Variants in GPC5 observed in about 807,000 individuals in gnomAD.
GPC5 encodes the protein glypican 5.
Under a neutral mutation model 53.9 loss-of-function variants are expected in GPC5, and 47 were observed. That is an observed-to-expected ratio of 0.87 (90% confidence interval 0.69 to 1.11). The LOEUF is 1.11. GPC5 is among the 50% of genes most tolerant of loss of function. The probability of loss-of-function intolerance (pLI) is 0.00; values close to 1 mark genes in which losing one functional copy is unlikely to be tolerated. For missense variants in GPC5, 748 were observed against 713.1 expected (o/e 1.05, Z -0.56); for synonymous variants, 286 against 263.3 (o/e 1.09, Z -0.84).
intron 7 of GPC5, among the ~76,000 whole-genome samples, chr13:92,760,968 T>C (rs1012178303): frequency 7.2e-5 from 11 of 152,202 alleles, no homozygotes; most frequent in African/African-American, 2.7e-4. Context: ...TCCAAAATTC[T>C]TCCTCTTAGA....
At chr13:92,780,576 C>A (rs1875985922) in intron 7 of GPC5, among the ~76,000 whole-genome samples, 1 of 151,956 alleles carries the variant, frequency 6.6e-6, no homozygotes, top group Non-Finnish European at 1.5e-5. Flanking sequence ...TCAGAGGGGA[C>A]ATTTTCTAAT....
At chr13:92,776,931 G>C (rs937622691) in intron 7 of GPC5, among the ~76,000 whole-genome samples, 1 of 148,448 alleles carries the variant, frequency 6.7e-6, no homozygotes, top group Non-Finnish European at 1.5e-5. Flanking sequence ...GGCTGAGCAG[G>C]AGGATATGTT....
At chr13:92,243,795 T>G (rs2139119358) in intron 7 of GPC5, among the ~76,000 whole-genome samples, 1 of 152,268 alleles carries the variant, frequency 6.6e-6, no homozygotes, top group Non-Finnish European at 1.5e-5. Context: ...TAGATACTTT[T>G]TAAAACCTGA....
chr13:92,011,518 C>G (rs933058013), intron 6 of GPC5, among the ~76,000 whole-genome samples: 2 of 152,074 alleles, frequency 1.3e-5, no homozygotes, highest in African/African-American at 4.8e-5. Flanking sequence ...GCCTTGTAAG[C>G]TTGTGATTCA....
intron 7 of GPC5, among the ~76,000 whole-genome samples, chr13:92,480,612 G>T (rs549192550): frequency 6.6e-6 from 1 of 152,150 alleles, no homozygotes; most frequent in Non-Finnish European, 1.5e-5. Context: ...TCTCATGGTC[G>T]CAAGATGACA....
At chr13:91,606,398 A>G (rs963524329) in intron 2 of GPC5, among the ~76,000 whole-genome samples, 1 of 150,434 alleles carries the variant, frequency 6.6e-6, no homozygotes, top group Non-Finnish European at 1.5e-5. Flanking sequence ...TTCATCAAGG[A>G]TATTGGTCTA....
intron 6 of GPC5, among the ~76,000 whole-genome samples, chr13:91,909,829 C>T (rs902348368): frequency 2.0e-5 from 3 of 152,092 alleles, no homozygotes; most frequent in African/African-American, 7.2e-5. Context: ...CAAAACACCA[C>T]CCCCCTCCTC....
chr13:92,282,381 C>T (rs572336456), intron 7 of GPC5, among the ~76,000 whole-genome samples: 141 of 152,210 alleles, frequency 9.3e-4, no homozygotes, highest in African/African-American at 3.3e-3. Context: ...CATTCAAATT[C>T]AGGAAATACG....
At chr13:92,559,793 G>T (rs892615572) in intron 7 of GPC5, among the ~76,000 whole-genome samples, 3 of 151,206 alleles carry the variant, frequency 2.0e-5, no homozygotes, top group Non-Finnish European at 4.4e-5. Context: ...GTCCCATTTG[G>T]TATCTCATGT....
At chr13:92,765,231 C>A (rs144043470) in intron 7 of GPC5, among the ~76,000 whole-genome samples, 1,568 of 152,240 alleles carry the variant, frequency 0.01, 9 homozygotes, top group Middle Eastern at 0.017. Context: ...GATTTGGGGC[C>A]AGATGCATGT....
At position 92,740,243 on chromosome 13, in the gene GPC5, T is replaced by C. The variant is rs537632739; in HGVS notation, c.1562-126039T>C. ...TCTGGATCAAATATCACCTTATTAG[T>C]AAGACTCCCCTTTACCACTTACATA... On this transcript the variant is annotated intron_variant, in intron 7 of 7. Transcript: ENST00000377067. Among the ~76,000 whole-genome samples the C allele has an allele frequency of 1.4e-3, 208 of 152,180 alleles. 1 individual carries two copies. The highest frequency in any genetic ancestry group is 4.9e-3 in the African/African-American group (202 of 41,558).
At chr13:91,438,675 C>T (rs564769834) in intron 1 of GPC5, among the ~76,000 whole-genome samples, 1 of 152,322 alleles carries the variant, frequency 6.6e-6, no homozygotes, top group Admixed American at 6.5e-5. Context: ...AGAACCACTA[C>T]TCTCTTCAAA....
intron 5 of GPC5, among the ~76,000 whole-genome samples, chr13:91,834,195 G>A (rs965546595): frequency 2.0e-4 from 30 of 152,106 alleles, no homozygotes; most frequent in Non-Finnish European, 8.8e-5. Flanking sequence ...CAAGGGATGT[G>A]AAGGAACTCT....
intron 1 of GPC5, among the ~76,000 whole-genome samples, chr13:91,419,791 G>A (rs1172045099): frequency 1.3e-5 from 2 of 152,146 alleles, no homozygotes; most frequent in South Asian, 4.1e-4. Flanking sequence ...TTTTAAACAT[G>A]CGAATTGATC....
At chr13:92,494,358 G>T (rs1879889875) in intron 7 of GPC5, among the ~76,000 whole-genome samples, 1 of 152,112 alleles carries the variant, frequency 6.6e-6, no homozygotes, top group South Asian at 2.1e-4. Context: ...CAAAGTTCTG[G>T]GATTACAGGC....
intron 7 of GPC5, among the ~76,000 whole-genome samples, chr13:92,552,643 A>G (rs1407598902): frequency 6.6e-6 from 1 of 151,886 alleles, no homozygotes; most frequent in Non-Finnish European, 1.5e-5. Flanking sequence ...CATGCTCTGC[A>G]TTGATTTCTC....
intron 7 of GPC5, among the ~76,000 whole-genome samples, chr13:92,780,591 T>C (rs1875986492): frequency 6.6e-6 from 1 of 152,018 alleles, no homozygotes; most frequent in African/African-American, 2.4e-5. Context: ...TCTAATAATA[T>C]GGTCATAATC....
intron 2 of GPC5, among the ~76,000 whole-genome samples, chr13:91,483,123 C>G (rs1043791678): frequency 2.0e-5 from 3 of 152,088 alleles, no homozygotes; most frequent in Admixed American, 2.0e-4. Flanking sequence ...TTTGGTCATT[C>G]CCCTTTTTGA....
chr13:92,727,967 T>TA (rs1888689204), intron 7 of GPC5, among the ~76,000 whole-genome samples: 3 of 151,574 alleles, frequency 2.0e-5, no homozygotes, highest in South Asian at 4.2e-4. Flanking sequence ...TCATGCTTTA[T>TA]AAAAAAATCT....
Sources: allele counts gnomAD v4.1 joint callset (sites outside exome capture counted in the v4.1 genomes callset), GRCh38; gene constraint gnomAD v4.1.1; transcripts MANE v1.5; gene names NCBI Gene and HGNC (gene_info 2026-07-23, HGNC 2026-07-21).